The following CFAP299 variants were observed in gnomAD, a reference collection of about 807,000 sequenced individuals.
CFAP299 encodes the protein cilia and flagella associated protein 299, also known as cilia- and flagella-associated protein 299.
CFAP299 carries 21 observed loss-of-function variants against 27.0 expected under a neutral mutation model. That is an observed-to-expected ratio of 0.78 (90% CI 0.55 to 1.12). The LOEUF is 1.12. CFAP299 is among the 50% of genes most tolerant of loss of function. The pLI, the probability that CFAP299 is intolerant of heterozygous loss-of-function variation, is 0.00. For missense variants in CFAP299, 310 were observed against 276.6 expected (o/e 1.12, Z -0.86); for synonymous variants, 104 against 98.1 (o/e 1.06, Z -0.36).
At position 80,344,313 on chromosome 4, in the gene CFAP299, G is replaced by A. The variant is rs560504316; in HGVS notation, c.111+8434G>A. 7.3e-5 allele frequency among the ~76,000 whole-genome samples: 11 copies of A among 151,698 alleles called. No individual in the cohort carries two copies. In the East Asian group the frequency reaches 2.1e-3, roughly 29 times the overall value. On this transcript the variant is annotated intron_variant, in intron 1 of 5. Coordinates refer to ENST00000358105, the MANE Select transcript of CFAP299 (RefSeq NM_152770.3). ...AAATGGACACAATCAGAAATGATAA[G>A]GAAGATATCACCACTGACCCCACAA...
intron 3 of CFAP299, among the ~76,000 whole-genome samples, chr4:80,599,887 T>G (rs1181521925): frequency 6.6e-6 from 1 of 152,166 alleles, no homozygotes; most frequent in African/African-American, 2.4e-5. Flanking sequence ...CAAAGAAGGT[T>G]GTTGATTATC....
At chr4:80,430,927 TG>T (rs1349279232) in intron 2 of CFAP299, among the ~76,000 whole-genome samples, 2 of 152,204 alleles carry the variant, frequency 1.3e-5, no homozygotes, top group Non-Finnish European at 2.9e-5. Flanking sequence ...GGCCTTTTTT[TG>T]TGGGAACCTT....
intron 2 of CFAP299, among the ~76,000 whole-genome samples, chr4:80,516,424 G>A (rs967258917): frequency 1.3e-5 from 2 of 152,176 alleles, no homozygotes; most frequent in African/African-American, 4.8e-5. Context: ...GATGGCTCAA[G>A]CATCTGCTTC....
intron 2 of CFAP299, among the ~76,000 whole-genome samples, chr4:80,476,580 C>T (rs1430969596): frequency 1.3e-5 from 2 of 152,122 alleles, no homozygotes; most frequent in Non-Finnish European, 2.9e-5. Flanking sequence ...TTTCTTTCTG[C>T]ATCTTCTTTG....
rs531846985 is a variant in CFAP299, at chr4:80,393,171, GA to G, written c.242+30292del. On this transcript the variant is annotated intron_variant, in intron 2 of 5. Transcript: ENST00000358105. Reference sequence around the variant, plus strand: ...AAATAAAATACAAATTTTAAAAATAGAAAAATGCCTATAGAATCAGGATATT... The same window carrying G: ...AAATAAAATACAAATTTTAAAAATAGAAAATGCCTATAGAATCAGGATATT... Among the ~76,000 whole-genome samples the G allele has an allele frequency of 2.0e-3, 309 of 152,014 alleles. 2 individuals carry two copies. The highest frequency in any genetic ancestry group is 3.8e-3 in the Non-Finnish European group (257 of 67,952).
At chr4:80,353,274 T>C (rs997452292) in intron 1 of CFAP299, among the ~76,000 whole-genome samples, 49 of 152,270 alleles carry the variant, frequency 3.2e-4, no homozygotes, top group Non-Finnish European at 1.6e-4. Flanking sequence ...TTTAATCAAT[T>C]TGGGTCAACT....
intron 4 of CFAP299, among the ~76,000 whole-genome samples, chr4:80,889,363 C>A (rs1578214847): frequency 6.6e-6 from 1 of 151,724 alleles, no homozygotes; most frequent in African/African-American, 2.4e-5. Flanking sequence ...TATGCCTATA[C>A]ATTGAAAAAC....
intron 3 of CFAP299, among the ~76,000 whole-genome samples, chr4:80,734,933 G>A (rs1723767091): frequency 6.6e-6 from 1 of 152,014 alleles, no homozygotes. Flanking sequence ...TGGCTATTCT[G>A]GGTTATTTGT....
At chr4:80,959,202 T>G (rs890514624) in intron 5 of CFAP299, among the ~76,000 whole-genome samples, 1 of 152,070 alleles carries the variant, frequency 6.6e-6, no homozygotes, top group Non-Finnish European at 1.5e-5. Flanking sequence ...ATTCAAAAAA[T>G]GGATGAAAAT....
intron 2 of CFAP299, among the ~76,000 whole-genome samples, chr4:80,516,487 G>A (rs1385037199): frequency 6.6e-6 from 1 of 152,160 alleles, no homozygotes; most frequent in Non-Finnish European, 1.5e-5. Flanking sequence ...AGGGATGGCA[G>A]GTGATGTCAC....
intron 3 of CFAP299, among the ~76,000 whole-genome samples, chr4:80,781,457 G>A (rs554669899): frequency 2.1e-4 from 32 of 152,024 alleles, no homozygotes; most frequent in Middle Eastern, 3.4e-3. Context: ...TTATTTTTGT[G>A]ACTTTATCCT....
At chr4:80,944,462 A>T (rs962132364) in intron 4 of CFAP299, among the ~76,000 whole-genome samples, 57 of 152,318 alleles carry the variant, frequency 3.7e-4, no homozygotes, top group African/African-American at 1.3e-3. Context: ...CTTCCAGTAA[A>T]CAGTCTCTTA....
chr4:80,558,056 C>G (rs1214946082), intron 2 of CFAP299, among the ~76,000 whole-genome samples: 1 of 152,086 alleles, frequency 6.6e-6, no homozygotes, highest in African/African-American at 2.4e-5. Context: ...GTGAATGTCA[C>G]TTAATTTTAA....
chr4:80,341,460 G>A (rs1348103226), intron 1 of CFAP299, among the ~76,000 whole-genome samples: 3 of 152,326 alleles, frequency 2.0e-5, no homozygotes, highest in Non-Finnish European at 2.9e-5. Context: ...ACTCCACTGG[G>A]ATGGAGCTCC....
intron 2 of CFAP299, among the ~76,000 whole-genome samples, chr4:80,491,892 A>G (rs1018089095): frequency 4.6e-5 from 7 of 152,208 alleles, no homozygotes; most frequent in African/African-American, 1.7e-4. Flanking sequence ...ACATAGCTAA[A>G]TCTTCTTCTT....
At chr4:80,446,028 G>A (rs988789367) in intron 2 of CFAP299, among the ~76,000 whole-genome samples, 6 of 152,298 alleles carry the variant, frequency 3.9e-5, no homozygotes, top group South Asian at 2.1e-4. Context: ...TTTATGCTGC[G>A]TGCTGGAGTG....
chr4:80,391,470 G>A (rs1038067167), intron 2 of CFAP299, among the ~76,000 whole-genome samples: 1 of 152,094 alleles, frequency 6.6e-6, no homozygotes, highest in South Asian at 2.1e-4. Context: ...GATGACTAGT[G>A]ATGTTGAGCA....
chr4:80,828,154 T>A (rs941224460), intron 3 of CFAP299, among the ~76,000 whole-genome samples: 1 of 152,034 alleles, frequency 6.6e-6, no homozygotes, highest in South Asian at 2.1e-4. Flanking sequence ...ATCCTTATCA[T>A]AATTGCAATG....
At chr4:80,866,855 A>G (rs1361174887) in intron 3 of CFAP299, among the ~76,000 whole-genome samples, 1 of 152,224 alleles carries the variant, frequency 6.6e-6, no homozygotes, top group Non-Finnish European at 1.5e-5. Context: ...TATATATAGT[A>G]ACATAAAATA....
Sources: allele counts gnomAD v4.1 joint callset (sites outside exome capture counted in the v4.1 genomes callset), GRCh38; gene constraint gnomAD v4.1.1; transcripts MANE v1.5; gene names NCBI Gene and HGNC (gene_info 2026-07-23, HGNC 2026-07-21).